The following SLIT3 variants were observed in gnomAD, a reference collection of about 807,000 sequenced individuals.
SLIT3 encodes slit guidance ligand 3.
In SLIT3, 68 loss-of-function variants were observed where a neutral mutation model predicts 184.0. The ratio of observed to expected loss-of-function variants is 0.37; its 90% CI spans 0.30 to 0.45. SLIT3 has a LOEUF of 0.45. Ranked by LOEUF, SLIT3 falls within the 20% of genes least tolerant of loss-of-function variation. SLIT3 has a pLI of 1.00. For synonymous variants in SLIT3, 831 were observed against 828.6 expected, an observed-to-expected ratio of 1.00 and a Z score of -0.05; for missense variants, 1,707 against 2,026.0, an observed-to-expected ratio of 0.84 and a Z score of 3.02.
chr5:169,132,860 T>A, intron 4 of SLIT3, among the ~76,000 whole-genome samples: 1 of 152,240 alleles, frequency 6.6e-6, no homozygotes, highest in East Asian at 1.9e-4. Flanking sequence ...TGCAAATATT[T>A]TAATGGGCAT....
At chr5:168,949,544 T>C (rs1762585160) in intron 4 of SLIT3, among the ~76,000 whole-genome samples, 2 of 152,198 alleles carry the variant, frequency 1.3e-5, no homozygotes, top group Non-Finnish European at 2.9e-5. Context: ...AGCTGACCCA[T>C]GTAGACAAAA....
chr5:168,841,054 G>A (rs1232870715), intron 6 of SLIT3, among the ~76,000 whole-genome samples: 2 of 152,222 alleles, frequency 1.3e-5, no homozygotes, highest in East Asian at 1.9e-4. Flanking sequence ...GGGATTGTGA[G>A]TCATTGCTAG....
At chr5:169,096,062 A>G (rs1175013984) in intron 4 of SLIT3, among the ~76,000 whole-genome samples, 2 of 152,202 alleles carry the variant, frequency 1.3e-5, no homozygotes, top group Admixed American at 6.5e-5. Flanking sequence ...CGTCCCTTCT[A>G]TGCATTTGCA....
At chr5:168,936,980 C>A (rs966634236) in intron 4 of SLIT3, among the ~76,000 whole-genome samples, 4 of 152,074 alleles carry the variant, frequency 2.6e-5, no homozygotes, top group African/African-American at 9.7e-5. Context: ...GGGCTTAGTG[C>A]AATCAAAGTG....
At chr5:168,673,395 G>T in intron 32 of SLIT3, 64 bp from the exon 33 acceptor site, 2 of 1,489,818 alleles carry the variant, frequency 1.3e-6, no homozygotes, top group Non-Finnish European at 1.9e-6. Context: ...GCTGGGCCCT[G>T]TGCTGTGGAC....
At chr5:168,711,100 G>A in intron 24 of SLIT3, 42 bp from the exon 25 acceptor site, 25 of 1,489,800 alleles carry the variant, frequency 1.7e-5, no homozygotes, top group Non-Finnish European at 2.3e-5. Context: ...TGCCCAGCTT[G>A]GCCAGTAGCC....
intron 1 of SLIT3, among the ~76,000 whole-genome samples, chr5:169,280,902 C>T (rs1015398333): frequency 1.3e-5 from 2 of 152,020 alleles, no homozygotes; most frequent in Admixed American, 6.6e-5. Flanking sequence ...TTTTAAGAAA[C>T]GAACCACAAA....
chr5:169,028,901 GA>G (rs1756928532), intron 4 of SLIT3, among the ~76,000 whole-genome samples: 1 of 152,194 alleles, frequency 6.6e-6, no homozygotes. Context: ...GCACAAAAGT[GA>G]CCTATAAATA....
intron 4 of SLIT3, among the ~76,000 whole-genome samples, chr5:168,904,472 T>A (rs10078414): frequency 6.7e-6 from 1 of 149,526 alleles, no homozygotes; most frequent in Non-Finnish European, 1.5e-5. Context: ...ATCCAGAAAA[T>A]CTTACTTTAG....
At chr5:169,201,805 A>G (rs1763911177) in intron 3 of SLIT3, among the ~76,000 whole-genome samples, 1 of 152,212 alleles carries the variant, frequency 6.6e-6, no homozygotes, top group Non-Finnish European at 1.5e-5. Flanking sequence ...ACCACTTCTC[A>G]CATGATTGGC....
intron 5 of SLIT3, among the ~76,000 whole-genome samples, chr5:168,862,356 T>C (rs1759143560): frequency 6.6e-6 from 1 of 151,916 alleles, no homozygotes; most frequent in South Asian, 2.1e-4. Flanking sequence ...CAAAAACCTA[T>C]GGAAATAAAA....
intron 14 of SLIT3, among the ~76,000 whole-genome samples, chr5:168,764,865 C>T (rs75322342): frequency 0.02 from 3,086 of 152,294 alleles, 52 homozygotes; most frequent in Non-Finnish European, 0.031. Context: ...TTGCCAGCTT[C>T]GTCCCTTTTG....
intron 4 of SLIT3, among the ~76,000 whole-genome samples, chr5:169,029,044 T>G (rs1756933197): frequency 6.6e-6 from 1 of 152,130 alleles, no homozygotes; most frequent in African/African-American, 2.4e-5. Context: ...AGAGGGGGTG[T>G]GCAAACCAGA....
At chr5:168,945,344 T>C (rs1762441201) in intron 4 of SLIT3, among the ~76,000 whole-genome samples, 1 of 152,018 alleles carries the variant, frequency 6.6e-6, no homozygotes. Flanking sequence ...TTCAAGTGAT[T>C]CTCCTGCCTC....
Position 168,748,405 on chromosome 5 carries a change from G to A in SLIT3, c.2167C>T (p.Pro723Ser). 6.6e-7 allele frequency: 1 copy of A among 1,522,598 alleles called. No individual in the cohort carries two copies. Among genetic ancestry groups the A allele is most frequent in the Non-Finnish European group, 8.7e-7 (1 of 1,147,112 alleles). 94.3% of individuals were successfully genotyped at this position (1,522,598 alleles called of 1,614,324 possible). ...GNEESSCQLS[P>S]RCPEQCTCME... ...CAGGTGCACTGCTCCGGGCAGCGCG[G>A]GCTCAGCTGGCAGCTACTCTCCTCG... The change falls in exon 20 of 36, where the codon CCG becomes TCG. Residue 723 changes from proline (P) to serine (S), a missense_variant. Pro to Ser is a moderately conservative substitution (Grantham distance 74). Coordinates refer to ENST00000519560, the MANE Select transcript of SLIT3 (RefSeq NM_003062.4).
intron 4 of SLIT3, among the ~76,000 whole-genome samples, chr5:169,135,392 G>A (rs1237392351): frequency 1.3e-5 from 2 of 151,806 alleles, no homozygotes; most frequent in East Asian, 1.9e-4. Context: ...GATTACATAC[G>A]TGAGCCACCA....
chr5:168,703,474 C>A (rs1375471729), intron 26 of SLIT3, among the ~76,000 whole-genome samples: 3 of 152,068 alleles, frequency 2.0e-5, no homozygotes, highest in African/African-American at 7.2e-5. Flanking sequence ...GGAGCACACA[C>A]CCTACTGTGA....
intron 9 of SLIT3, among the ~76,000 whole-genome samples, chr5:168,798,530 G>A (rs1046347413): frequency 1.3e-5 from 2 of 152,024 alleles, no homozygotes; most frequent in Admixed American, 6.6e-5. Context: ...CGCCTGGCCT[G>A]GGTTTCATTC....
rs59868617 is a variant in SLIT3, at chr5:168,683,369, C to CAAAA, written c.3686+593_3686+596dup. Among the ~76,000 whole-genome samples the CAAAA allele has an allele frequency of 1.1e-3, 111 of 104,810 alleles. 1 individual carries two copies. Among genetic ancestry groups the CAAAA allele is most frequent in the African/African-American group, 3.4e-3 (105 of 30,560 alleles). The allele number at this position is 104,810 out of a possible 152,430, so 68.8% of individuals were successfully genotyped here. A position where few individuals can be genotyped will look rare whatever the true frequency, so the allele number is the denominator to read the frequency against. On this transcript the variant is annotated intron_variant, in intron 32 of 35. Coordinates refer to ENST00000519560, the MANE Select transcript of SLIT3 (RefSeq NM_003062.4). ...TGGGCAAGAGAACAAAACTCCATCT[C>CAAAA]AAAAAAAAAAAAAAAAGAAAAGAAA...
Sources: allele counts gnomAD v4.1 joint callset (sites outside exome capture counted in the v4.1 genomes callset), GRCh38; gene constraint gnomAD v4.1.1; transcripts MANE v1.5; gene names NCBI Gene and HGNC (gene_info 2026-07-23, HGNC 2026-07-21).